Variants in EML5 observed in about 807,000 individuals in gnomAD.
The protein encoded by EML5 is echinoderm microtubule-associated protein-like 5.
A neutral mutation model predicts 250.0 loss-of-function variants in EML5; 120 were observed. The observed-to-expected ratio is 0.48, with a 90% CI of 0.41 to 0.56. The LOEUF is 0.56. Among genes scored for constraint, EML5 ranks in the 20% least tolerant of loss-of-function variants. The probability of loss-of-function intolerance (pLI) is 0.00; values close to 1 mark genes in which losing one functional copy is unlikely to be tolerated. For missense variants in EML5, 2,006 were observed against 2,437.6 expected, an observed-to-expected ratio of 0.82 and a Z score of 3.73; for synonymous variants, 771 against 806.5, an observed-to-expected ratio of 0.96 and a Z score of 0.75.
chr14:88,621,739 AACAC>A (rs1711614617), intron 37 of EML5: 1 of 348,144 alleles, frequency 2.9e-6, no homozygotes, highest in East Asian at 7.3e-5. Context: ...AATAAGTACA[AACAC>A]GCTCAAAAAT....
chr14:88,723,261 A>G (rs145081544), intron 8 of EML5, among the ~76,000 whole-genome samples: 91 of 152,336 alleles, frequency 6.0e-4, no homozygotes, highest in African/African-American at 2.0e-3. Context: ...AAAATTTTAA[A>G]AAATAATTTT....
chr14:88,695,087 A>G (rs2093046601), intron 16 of EML5, among the ~76,000 whole-genome samples: 1 of 152,164 alleles, frequency 6.6e-6, no homozygotes, highest in South Asian at 2.1e-4. Flanking sequence ...CCTATCATAC[A>G]GTAGAACACA....
At chr14:88,633,206 T>C (rs972747091) in intron 33 of EML5, among the ~76,000 whole-genome samples, 1 of 152,236 alleles carries the variant, frequency 6.6e-6, no homozygotes, top group Non-Finnish European at 1.5e-5. Flanking sequence ...CTTTGTTTTA[T>C]TGCCATCATC....
chr14:88,716,220 TAACC>T (rs1463017554), intron 8 of EML5, among the ~76,000 whole-genome samples: 1 of 152,204 alleles, frequency 6.6e-6, no homozygotes, highest in African/African-American at 2.4e-5. Flanking sequence ...CTGATTATGC[TAACC>T]AACATAGTAC....
At chr14:88,778,648 G>A (rs886469993) in intron 1 of EML5, among the ~76,000 whole-genome samples, 1 of 152,060 alleles carries the variant, frequency 6.6e-6, no homozygotes, top group African/African-American at 2.4e-5. Flanking sequence ...GCAATGTGGC[G>A]CACGCCTGTA....
intron 2 of EML5, among the ~76,000 whole-genome samples, chr14:88,751,016 C>T (rs1042619718): frequency 3.9e-5 from 6 of 152,178 alleles, no homozygotes; most frequent in Non-Finnish European, 7.4e-5. Context: ...TGGCCAAAAA[C>T]TTTAAAATTC....
chr14:88,679,888 A>C (rs2092681782), intron 21 of EML5, among the ~76,000 whole-genome samples: 1 of 152,198 alleles, frequency 6.6e-6, no homozygotes, highest in Non-Finnish European at 1.5e-5. Flanking sequence ...TGTATAGTAT[A>C]GTGTAGCGTA....
At chr14:88,763,122 T>G (rs556138092) in intron 1 of EML5, among the ~76,000 whole-genome samples, 17 of 151,674 alleles carry the variant, frequency 1.1e-4, no homozygotes, top group Non-Finnish European at 1.9e-4. Context: ...AGCAAACAAA[T>G]TCAAAAGCTA....
intron 1 of EML5, among the ~76,000 whole-genome samples, chr14:88,781,941 G>C (rs113886123): frequency 1.4e-4 from 21 of 152,322 alleles, no homozygotes; most frequent in African/African-American, 4.8e-4. Context: ...CAAAAATGTG[G>C]AAGTGACTTT....
intron 1 of EML5, among the ~76,000 whole-genome samples, chr14:88,766,651 T>G (rs970433195): frequency 6.6e-6 from 1 of 152,164 alleles, no homozygotes; most frequent in Non-Finnish European, 1.5e-5. Flanking sequence ...CCATTTGCCT[T>G]CTGATATTTT....
intron 27 of EML5, among the ~76,000 whole-genome samples, chr14:88,655,600 T>C (rs548946770): frequency 6.6e-6 from 1 of 152,044 alleles, no homozygotes; most frequent in East Asian, 1.9e-4. Context: ...TGACAGCAAT[T>C]GCAACAAAAG....
chr14:88,782,887 C>T lies in EML5; in HGVS notation c.197+9420G>A, dbSNP rs535339534. Among the ~76,000 whole-genome samples the T allele has an allele frequency of 1.6e-3, 244 of 152,170 alleles. 1 individual carries two copies. Among genetic ancestry groups the T allele is most frequent in the Middle Eastern group, 6.8e-3 (2 of 294 alleles). On this transcript the variant is annotated intron_variant, in intron 1 of 43. Transcript: ENST00000554922. ...CTGAGGTCAGGAGTTCAAGATCAGC[C>T]GGGCCAACATGGTGAAATTCTGTCT...
rs1212300353 is a variant in EML5 at position 88,627,732 on chromosome 14, G to T, written c.4445C>A (p.Ser1482Ter). 6.2e-7 allele frequency: 1 copy of T among 1,613,114 alleles called. No homozygotes were observed. The highest frequency in any genetic ancestry group is 8.5e-7 in the Non-Finnish European group (1 of 1,179,528). The change falls in exon 34 of 44, where the codon TCA becomes TAA. Residue 1482 changes from serine to a stop codon, truncating the protein, a stop_gained. Transcript: ENST00000554922. LOFTEE classifies it high-confidence loss of function. The stretch of plus-strand genomic sequence containing the variant: ...TTTGCCAGTAGCACTGAAGCTGACT[G>T]AACATACTCCCTTTGAATGGTAGCA... ...LRCYHSKGVC[S>*]VSFSATGKLL... is the part of the protein sequence containing the mutation.
At chr14:88,680,444 G>A (rs2092692597) in intron 21 of EML5, among the ~76,000 whole-genome samples, 1 of 151,394 alleles carries the variant, frequency 6.6e-6, no homozygotes, top group Admixed American at 6.6e-5. Flanking sequence ...ACAAACACAG[G>A]GTGGCTTTCA....
chr14:88,726,372 A>C (rs1352804832), intron 8 of EML5, among the ~76,000 whole-genome samples, 169 bp downstream of exon 8: 1 of 152,198 alleles, frequency 6.6e-6, no homozygotes, highest in Non-Finnish European at 1.5e-5. Context: ...ATATATTTTT[A>C]TACTTGATGA....
chr14:88,665,256 G>A, intron 22 of EML5, 81 bp downstream of exon 22: 1 of 1,413,264 alleles, frequency 7.1e-7, no homozygotes, highest in Non-Finnish European at 9.5e-7. Flanking sequence ...TAACATAACA[G>A]TTAATAAAAA....
At chr14:88,617,422 C>G (rs538761914) in intron 41 of EML5, 195 of 152,604 alleles carry the variant, frequency 1.3e-3, no homozygotes, top group African/African-American at 4.5e-3. Context: ...GCTGGGATTA[C>G]AGGCTGAGCC....
rs536767028 is a variant in EML5, at chr14:88,786,399, G to C, written c.197+5908C>G. Among the ~76,000 whole-genome samples the C allele has an allele frequency of 2.9e-3, 435 of 152,228 alleles. 3 individuals carry two copies. Among genetic ancestry groups the C allele is most frequent in the Non-Finnish European group, 5.0e-3 (341 of 68,010 alleles). ...TAAGGGTGGGCAATTTTATCTGTTTGGTTCACTGCCATATCTCTAGTGATA... is the reference window on the plus strand; with the variant it reads ...TAAGGGTGGGCAATTTTATCTGTTTCGTTCACTGCCATATCTCTAGTGATA... On this transcript the variant is annotated intron_variant, in intron 1 of 43. Transcript: ENST00000554922.
intron 8 of EML5, among the ~76,000 whole-genome samples, chr14:88,716,708 C>G (rs1326103135): frequency 6.7e-6 from 1 of 148,878 alleles, no homozygotes; most frequent in African/African-American, 2.5e-5. Context: ...CCAAGGTTTT[C>G]TGTTAACATG....
Sources: allele counts gnomAD v4.1 joint callset (sites outside exome capture counted in the v4.1 genomes callset), GRCh38; gene constraint gnomAD v4.1.1; transcripts MANE v1.5; gene names NCBI Gene and HGNC (gene_info 2026-07-23, HGNC 2026-07-21).